Variants in FHIT observed in about 807,000 individuals in gnomAD.
The protein encoded by FHIT is fragile histidine triad diadenosine triphosphatase.
A neutral mutation model predicts 17.9 loss-of-function variants in FHIT; 19 were observed. That is an observed-to-expected ratio of 1.06 (90% CI 0.74 to 1.56). FHIT has a LOEUF of 1.56. Ranked by LOEUF, FHIT falls within the 40% of genes most tolerant of loss-of-function variation. The pLI is 0.00. For missense variants in FHIT, 248 were observed against 189.2 expected (o/e 1.31, Z -1.82); for synonymous variants, 81 against 69.7 (o/e 1.16, Z -0.81).
intron 4 of FHIT, among the ~76,000 whole-genome samples, chr3:60,621,014 A>C (rs547269024): frequency 3.3e-5 from 5 of 152,248 alleles, no homozygotes; most frequent in South Asian, 4.1e-4. Flanking sequence ...GCCTTATAAA[A>C]AATGTCAAAC....
chr3:61,068,283 C>T (rs1156702729), intron 2 of FHIT, among the ~76,000 whole-genome samples: 1 of 152,140 alleles, frequency 6.6e-6, no homozygotes, highest in South Asian at 2.1e-4. Context: ...TTGCTCATTC[C>T]GGTTGTTGGC....
rs1041545084 is a variant in FHIT, at chr3:59,823,335, G to T, written c.349-71014C>A. Among the ~76,000 whole-genome samples, 8 of 152,176 alleles carry T rather than the reference G, an allele frequency of 5.3e-5. No individual in the cohort carries two copies. The South Asian group carries it at 1.7e-3, about 32-fold the overall frequency. On this transcript the variant is annotated intron_variant, in intron 8 of 9. Coordinates refer to ENST00000492590, the MANE Select transcript of FHIT (RefSeq NM_002012.4). ...TTCTCTAATTCTGTGAAGAATGATG[G>T]TGGTATTTTTATGGGAATTGCATTG...
At chr3:60,533,505 G>C (rs1055713315) in intron 5 of FHIT, among the ~76,000 whole-genome samples, 1 of 152,160 alleles carries the variant, frequency 6.6e-6, no homozygotes, top group African/African-American at 2.4e-5. Flanking sequence ...GTTTGGTCTT[G>C]GTACCTGGAA....
At chr3:61,041,718 T>C (rs2033527400) in intron 3 of FHIT, among the ~76,000 whole-genome samples, 1 of 151,228 alleles carries the variant, frequency 6.6e-6, no homozygotes, top group South Asian at 2.1e-4. Flanking sequence ...TCAAGGCTTA[T>C]ACATCACTGA....
intron 2 of FHIT, among the ~76,000 whole-genome samples, chr3:61,072,017 C>A (rs1274147737): frequency 1.3e-5 from 2 of 152,130 alleles, no homozygotes; most frequent in African/African-American, 4.8e-5. Context: ...CCCCTCATGC[C>A]CCCTCATTTG....
At chr3:60,282,944 C>A (rs554040405) in intron 5 of FHIT, among the ~76,000 whole-genome samples, 37 of 152,074 alleles carry the variant, frequency 2.4e-4, no homozygotes, top group Admixed American at 6.6e-4. Flanking sequence ...AATACAACAA[C>A]CAGACTGAAA....
At chr3:60,802,136 G>A (rs1701213508) in intron 4 of FHIT, among the ~76,000 whole-genome samples, 1 of 152,152 alleles carries the variant, frequency 6.6e-6, no homozygotes, top group Non-Finnish European at 1.5e-5. Flanking sequence ...ATTCAATCAT[G>A]TTGCTAATAG....
chr3:60,908,785 C>A (rs553927690), intron 3 of FHIT, among the ~76,000 whole-genome samples: 4 of 149,536 alleles, frequency 2.7e-5, no homozygotes, highest in Non-Finnish European at 5.9e-5. Context: ...AGCTTGAAAA[C>A]GCAGGGCAAC....
intron 8 of FHIT, among the ~76,000 whole-genome samples, chr3:59,889,913 G>A (rs1055331277): frequency 6.6e-6 from 1 of 152,178 alleles, no homozygotes; most frequent in Non-Finnish European, 1.5e-5. Flanking sequence ...ATATTGTAAT[G>A]AATTTTCTTC....
intron 3 of FHIT, among the ~76,000 whole-genome samples, chr3:60,859,507 C>T (rs1295887296): frequency 4.6e-5 from 7 of 151,940 alleles, no homozygotes; most frequent in Non-Finnish European, 1.0e-4. Flanking sequence ...GAGTTCCGAT[C>T]AATGGAATGT....
At chr3:60,960,678 A>T (rs1352434531) in intron 3 of FHIT, among the ~76,000 whole-genome samples, 1 of 152,172 alleles carries the variant, frequency 6.6e-6, no homozygotes, top group Non-Finnish European at 1.5e-5. Context: ...GAGTGAGAAC[A>T]TGCAGTGTTT....
At chr3:60,018,351 T>A (rs2106719692) in intron 5 of FHIT, among the ~76,000 whole-genome samples, 1 of 152,274 alleles carries the variant, frequency 6.6e-6, no homozygotes, top group Non-Finnish European at 1.5e-5. Context: ...ACCGCCAACA[T>A]CAGGGATCAA....
chr3:60,787,876 T>C (rs1374690322), intron 4 of FHIT, among the ~76,000 whole-genome samples: 1 of 152,100 alleles, frequency 6.6e-6, no homozygotes, highest in African/African-American at 2.4e-5. Context: ...GTTGTTGGGG[T>C]GGGTTTTCTT....
chr3:61,192,182 C>T (rs1023154133), intron 2 of FHIT, among the ~76,000 whole-genome samples: 1 of 152,148 alleles, frequency 6.6e-6, no homozygotes, highest in African/African-American at 2.4e-5. Context: ...GAAATAGACA[C>T]TTTGGTAACA....
At chr3:59,828,843 C>CTGTGTGTGTGTGTGTGTGTG (rs10637442) in intron 8 of FHIT, among the ~76,000 whole-genome samples, 33 of 146,860 alleles carry the variant, frequency 2.2e-4, no homozygotes, top group South Asian at 1.1e-3. Flanking sequence ...CAATGGTACT[C>CTGTGTGTGTGTGTGTGTGTG]TCTCTGTGTG....
At chr3:60,433,659 C>T (rs2029939360) in intron 5 of FHIT, among the ~76,000 whole-genome samples, 1 of 152,034 alleles carries the variant, frequency 6.6e-6, no homozygotes, top group Admixed American at 6.6e-5. Flanking sequence ...TTCACAGTTC[C>T]CTGATGATTA....
intron 1 of FHIT, among the ~76,000 whole-genome samples, chr3:61,216,293 A>C (rs1043010352): frequency 6.6e-6 from 1 of 152,244 alleles, no homozygotes; most frequent in Non-Finnish European, 1.5e-5. Flanking sequence ...AAATAAATTT[A>C]CAAGACAAAA....
chr3:60,502,715 C>T (rs577394807), intron 5 of FHIT, among the ~76,000 whole-genome samples: 7 of 152,248 alleles, frequency 4.6e-5, no homozygotes, highest in South Asian at 4.2e-4. Flanking sequence ...GTGACAAAAC[C>T]GTCTGTAGTC....
At chr3:59,885,820 A>T (rs925238224) in intron 8 of FHIT, among the ~76,000 whole-genome samples, 49 of 152,212 alleles carry the variant, frequency 3.2e-4, no homozygotes, top group African/African-American at 1.1e-3. Flanking sequence ...AGCACGTGCC[A>T]GGTTTCCCAT....
Sources: allele counts gnomAD v4.1 joint callset (sites outside exome capture counted in the v4.1 genomes callset), GRCh38; gene constraint gnomAD v4.1.1; transcripts MANE v1.5; gene names NCBI Gene and HGNC (gene_info 2026-07-23, HGNC 2026-07-21).